The following CUBN variants were observed in gnomAD, a reference collection of about 807,000 sequenced individuals.
The protein encoded by CUBN is 460 kDa receptor.
CUBN carries 282 observed loss-of-function variants against 405.3 expected under a neutral mutation model. The observed-to-expected ratio is 0.70, with a 90% confidence interval of 0.63 to 0.77. CUBN has a LOEUF of 0.77. CUBN is among the 30% of genes least tolerant of loss of function. The pLI is 0.00. For missense variants in CUBN, 4,514 were observed against 4,475.2 expected, an observed-to-expected ratio of 1.01 and a Z score of -0.25; for synonymous variants, 1,684 against 1,617.0, an observed-to-expected ratio of 1.04 and a Z score of -0.99.
chr10:16,991,791 T>G (rs548388504), intron 28 of CUBN, among the ~76,000 whole-genome samples: 100 of 152,298 alleles, frequency 6.6e-4, no homozygotes, highest in African/African-American at 2.4e-3. Flanking sequence ...ACACTGTTGG[T>G]GGGACTGTAA....
At chr10:16,904,154 G>C in intron 50 of CUBN, 39 bp from the exon 51 acceptor site, 3 of 1,593,222 alleles carry the variant, frequency 1.9e-6, no homozygotes, top group Non-Finnish European at 2.6e-6. Flanking sequence ...CATTGATACA[G>C]CTTTTGAGAA....
intron 60 of CUBN, among the ~76,000 whole-genome samples, chr10:16,842,481 T>C (rs1170025685): frequency 1.3e-4 from 20 of 152,274 alleles, no homozygotes; most frequent in African/African-American, 2.2e-4. Context: ...CCTCAATGTT[T>C]CAAGCCTACA....
chr10:16,835,402 C>T (rs1839138901), intron 63 of CUBN, among the ~76,000 whole-genome samples: 2 of 152,324 alleles, frequency 1.3e-5, no homozygotes, highest in Admixed American at 6.5e-5. Flanking sequence ...TGCAACAGCT[C>T]GTTCACACAA....
At chr10:16,907,346 T>C (rs1048421105) in intron 49 of CUBN, among the ~76,000 whole-genome samples, 162 bp downstream of exon 49, 1 of 152,230 alleles carries the variant, frequency 6.6e-6, no homozygotes, top group Admixed American at 6.5e-5. Context: ...TTTTTTTCTG[T>C]CTGCAGTGCG....
chr10:16,972,759 C>T (rs1832972342), intron 31 of CUBN, among the ~76,000 whole-genome samples: 1 of 151,968 alleles, frequency 6.6e-6, no homozygotes, highest in Non-Finnish European at 1.5e-5. Flanking sequence ...AGGCTTCCCC[C>T]CACCATCTCT....
intron 64 of CUBN, among the ~76,000 whole-genome samples, chr10:16,832,852 G>A (rs1339029455): frequency 2.0e-5 from 3 of 152,106 alleles, no homozygotes; most frequent in East Asian, 1.9e-4. Context: ...CGTTCCCACC[G>A]CAGTTCACAA....
Position 16,825,041 on chromosome 10 carries a change from G to C in CUBN, c.10806C>G (p.Val3602=). The C allele has an allele frequency of 6.2e-7, 1 of 1,613,636 alleles. No homozygotes were observed. Among genetic ancestry groups the C allele is most frequent in the South Asian group, 1.1e-5 (1 of 91,070 alleles). Residue 3602 remains valine (V), a synonymous_variant, in exon 67 of 67, where the codon GTC becomes GTG. Transcript: ENST00000377833. ...CATAATCAGCATGAAATTTTATGAAGACCTGATTTGAGGAAGCCACGAAGG... is the reference window on the plus strand; with the variant it reads ...CATAATCAGCATGAAATTTTATGAACACCTGATTTGAGGAAGCCACGAAGG... ...IAPFVASSNQ[V]FIKFHADYAR... is the part of the protein sequence containing the mutation.
intron 38 of CUBN, among the ~76,000 whole-genome samples, chr10:16,938,020 C>T (rs1842564593): frequency 2.6e-5 from 4 of 152,046 alleles, no homozygotes; most frequent in Admixed American, 2.6e-4. Context: ...TATTAATAAA[C>T]ATGCACTGTG....
At chr10:17,005,880 C>G (rs1006651748) in intron 28 of CUBN, among the ~76,000 whole-genome samples, 2 of 152,090 alleles carry the variant, frequency 1.3e-5, no homozygotes, top group Non-Finnish European at 2.9e-5. Flanking sequence ...TAAAAAGAGG[C>G]AATTAAGTTA....
chr10:16,840,635 G>T, intron 61 of CUBN, 100 bp from the exon 62 acceptor site: 1 of 1,037,688 alleles, frequency 9.6e-7, no homozygotes, highest in Non-Finnish European at 1.5e-6. Context: ...CCCCGGAGGA[G>T]CTATATTTTC....
intron 21 of CUBN, among the ~76,000 whole-genome samples, chr10:17,066,599 G>T (rs772326134): frequency 3.9e-5 from 6 of 151,924 alleles, no homozygotes; most frequent in Non-Finnish European, 7.4e-5. Context: ...AAATGCCTTC[G>T]TATATGCCCA....
In CUBN at chr10:16,920,046, A is replaced by G; in HGVS notation, c.6738T>C (p.Asp2246=). Residue 2246 remains aspartate, a synonymous_variant, in exon 44 of 67, where the codon GAT becomes GAC. Transcript: ENST00000377833. ...GTGGAGCCGCTAAGATCCAAATGCA[A>G]TCAGCGTGCGGGGGATAATTATGAG... ...NHPHNYPPHA[D]CIWILAAPPE... is the part of the protein sequence containing the mutation. The G allele has an allele frequency of 6.2e-7, 1 of 1,614,058 alleles. No individual in the cohort carries two copies. The highest frequency in any genetic ancestry group is 1.1e-5 in the South Asian group (1 of 91,074).
At chr10:17,076,208 T>C (rs1167523702) in intron 17 of CUBN, among the ~76,000 whole-genome samples, 1 of 152,070 alleles carries the variant, frequency 6.6e-6, no homozygotes, top group Non-Finnish European at 1.5e-5. Context: ...GTAGTCCAAA[T>C]GTTTTAAGAG....
chr10:17,122,724 C>T, intron 6 of CUBN, 71 bp downstream of exon 6: 1 of 881,176 alleles, frequency 1.1e-6, no homozygotes, highest in South Asian at 1.4e-5. Context: ...ATTTAGGATG[C>T]TCTTAACTAT....
chr10:17,059,352 G>C (rs939153240), intron 22 of CUBN, among the ~76,000 whole-genome samples: 1 of 152,040 alleles, frequency 6.6e-6, no homozygotes, highest in African/African-American at 2.4e-5. Context: ...CATAAAATTT[G>C]AGCCACAGAA....
At chr10:16,946,419 G>A (rs1197343414) in intron 36 of CUBN, among the ~76,000 whole-genome samples, 4 of 149,218 alleles carry the variant, frequency 2.7e-5, no homozygotes, top group Non-Finnish European at 5.9e-5. Context: ...ATATGAAAGT[G>A]TTCTAAAAAA....
chr10:17,061,633 T>C (rs921393728), intron 22 of CUBN, among the ~76,000 whole-genome samples: 2 of 152,018 alleles, frequency 1.3e-5, no homozygotes, highest in African/African-American at 4.8e-5. Flanking sequence ...CACTGATGAG[T>C]AGGTGGGAAC....
chr10:17,045,469 C>G (rs1835112113), intron 24 of CUBN, among the ~76,000 whole-genome samples: 2 of 151,210 alleles, frequency 1.3e-5, no homozygotes, highest in African/African-American at 2.4e-5. Context: ...AAGCGATTCT[C>G]CTGCCTCAGC....
At chr10:16,832,747 G>C (rs940613210) in intron 64 of CUBN, among the ~76,000 whole-genome samples, 10 of 152,188 alleles carry the variant, frequency 6.6e-5, no homozygotes, top group African/African-American at 2.2e-4. Flanking sequence ...GATCTTGAAA[G>C]GGGAGGTGAA....
Sources: gnomAD v4.1 joint callset for allele counts (sites outside exome capture counted in the v4.1 genomes callset) on GRCh38, gnomAD v4.1.1 for gene constraint, MANE v1.5 for transcripts, NCBI Gene and HGNC (gene_info 2026-07-23, HGNC 2026-07-21) for gene names.